DNAJB14: variants seen among roughly 807,000 people sequenced by gnomAD.
The protein encoded by DNAJB14 is dnaJ homolog subfamily B member 14.
DNAJB14 carries 22 observed loss-of-function variants against 48.4 expected under a neutral mutation model. The ratio of observed to expected loss-of-function variants is 0.45; its 90% CI spans 0.32 to 0.65. The LOEUF (loss-of-function observed/expected upper bound fraction) is 0.65, where lower values mean the gene tolerates loss of function less well. Ranked by LOEUF, DNAJB14 falls within the 30% of genes least tolerant of loss-of-function variation. The probability of loss-of-function intolerance (pLI) is 0.03; values close to 1 mark genes in which losing one functional copy is unlikely to be tolerated. For synonymous variants in DNAJB14, 142 were observed against 158.7 expected (o/e 0.89, Z 0.79); for missense variants, 319 against 458.8 (o/e 0.70, Z 2.78).
intron 3 of DNAJB14, among the ~76,000 whole-genome samples, chr4:99,911,025 C>T (rs1725642545): frequency 6.6e-6 from 1 of 152,016 alleles, no homozygotes; most frequent in Admixed American, 6.6e-5. Flanking sequence ...CATCCAACTC[C>T]TCCTCCCTCC....
chr4:99,905,990 A>C, intron 5 of DNAJB14: 1 of 1,284,082 alleles, frequency 7.8e-7, no homozygotes, highest in Non-Finnish European at 1.0e-6. Context: ...TCCCCCCCAC[A>C]CACAGAGACG....
intron 3 of DNAJB14, 56 bp from the exon 4 acceptor site, chr4:99,908,952 G>C: frequency 7.9e-7 from 1 of 1,270,578 alleles, no homozygotes; most frequent in Non-Finnish European, 1.0e-6. Flanking sequence ...ATAAAAGGCT[G>C]CCCCACATAA....
At position 99,946,507 on chromosome 4, in the gene DNAJB14, C is replaced by T. The variant is rs747154758; in HGVS notation, c.65G>A (p.Gly22Asp). 5.0e-6 allele frequency: 8 copies of T among 1,613,768 alleles called. No individual in the cohort carries two copies. The South Asian group carries it at 7.7e-5, about 16-fold the overall frequency. ...VEIAREALNA[G>D]NREKAQRFLQ... ...GAAGCGCTGGGCCTTCTCGCGGTTGCCGGCGTTCAGGGCCTCCCGGGCGAT... is the reference window on the plus strand; with the variant it reads ...GAAGCGCTGGGCCTTCTCGCGGTTGTCGGCGTTCAGGGCCTCCCGGGCGAT... The change falls in exon 1 of 8, where the codon GGC becomes GAC. Residue 22 changes from glycine to aspartate, a missense_variant. Physicochemically the swap from Gly to Asp is moderately conservative, Grantham distance 94. Transcript: ENST00000442697.
rs747075194 is a variant in DNAJB14 at position 99,896,330 on chromosome 4, GAACA to G, written c.*4694_*4697del. On this transcript the variant is annotated 3_prime_UTR_variant, in exon 8 of 8. Transcript: ENST00000442697. ...AAGACAAAAATTCATATTTCATTCAGAACATTCATTAAAAATCAAATGCATTTGA... is the reference window on the plus strand; with the variant it reads ...AAGACAAAAATTCATATTTCATTCAGTTCATTAAAAATCAAATGCATTTGA... 20 of 152,220 alleles carry G rather than the reference GAACA, an allele frequency of 1.3e-4. No homozygotes were observed. Among genetic ancestry groups the G allele is most frequent in the Non-Finnish European group, 1.8e-4 (12 of 67,998 alleles). 9.4% of individuals were successfully genotyped at this position (152,220 alleles called of 1,614,324 possible).
intron 1 of DNAJB14, among the ~76,000 whole-genome samples, chr4:99,936,883 T>C (rs1726694830): frequency 6.6e-6 from 1 of 152,208 alleles, no homozygotes; most frequent in African/African-American, 2.4e-5. Flanking sequence ...GAAAACCACA[T>C]TTGGCAACCA....
rs1341548941 is a variant in DNAJB14, at chr4:99,901,006, A to G, written c.*22T>C. 6.3e-7 allele frequency: 1 copy of G among 1,598,442 alleles called. No homozygotes were observed. Among genetic ancestry groups the G allele is most frequent in the Non-Finnish European group, 8.5e-7 (1 of 1,175,644 alleles). On this transcript the variant is annotated 3_prime_UTR_variant, in exon 8 of 8. Coordinates refer to ENST00000442697, the MANE Select transcript of DNAJB14 (RefSeq NM_001031723.4). ...CAGAAAAAATAAAGAGTACGCTAAA[A>G]GGTATAAATAAAAATTCCAGTTCAT...
At chr4:99,909,216 G>A (rs1725571990) in intron 3 of DNAJB14, among the ~76,000 whole-genome samples, 1 of 151,972 alleles carries the variant, frequency 6.6e-6, no homozygotes, top group South Asian at 2.1e-4. Flanking sequence ...AACAATAGCA[G>A]TAGCTATCAT....
chr4:99,930,448 A>C lies in DNAJB14; in HGVS notation c.305+2T>G. On this transcript the variant is annotated splice_donor_variant, in intron 2 of 7. Coordinates refer to ENST00000442697, the MANE Select transcript of DNAJB14 (RefSeq NM_001031723.4). LOFTEE classifies it high-confidence loss of function. ...TGAGATGTAAACCATATTTATTCCT[A>C]CCTGAGAACTCCATCTACTTGGTCT... 1 of 1,590,430 alleles carries C rather than the reference A, an allele frequency of 6.3e-7. No individual in the cohort carries two copies. The highest frequency in any genetic ancestry group is 1.2e-5 in the South Asian group (1 of 86,346).
chr4:99,915,814 TGA>T lies in DNAJB14; in HGVS notation c.452-6920_452-6919del, dbSNP rs757257250. The stretch of plus-strand genomic sequence containing the variant: ...TCTGTCTAATTGTTCTATCAATTAT[TGA>T]GAGAGAGGTGTCAGAGTCTCCAACT... On this transcript the variant is annotated intron_variant, in intron 3 of 7. Transcript: ENST00000442697. Among the ~76,000 whole-genome samples, 18 of 152,354 alleles carry T rather than the reference TGA, an allele frequency of 1.2e-4. 1 individual carries two copies. The highest frequency in any genetic ancestry group is 8.8e-5 in the Non-Finnish European group (6 of 68,034).
In DNAJB14 at chr4:99,946,467, C is replaced by G. The variant is rs1006404972; in HGVS notation, c.105G>C (p.Glu35Asp). ...EKAQRFLQKA[E>D]KLYPLPSARA... ...GGGCCGAGGGCAGTGGGTAGAGCTT[C>G]TCGGCCTTCTGCAGGAAGCGCTGGG... is the stretch of plus-strand genomic sequence containing the variant. The change falls in exon 1 of 8, where the codon GAG becomes GAC. Residue 35 changes from glutamate (E) to aspartate (D), a missense_variant. Glu to Asp is a conservative substitution (Grantham distance 45). Around this residue, in one of 3 missense-constraint regions of DNAJB14, gnomAD observed 116 missense variants for 134.6 expected, o/e 0.86. Transcript: ENST00000442697. 1 of 1,613,444 alleles carries G rather than the reference C, an allele frequency of 6.2e-7. No homozygotes were observed. Among genetic ancestry groups the G allele is most frequent in the African/African-American group, 1.3e-5 (1 of 74,882 alleles).
chr4:99,918,811 A>G (rs1725949440), intron 3 of DNAJB14, among the ~76,000 whole-genome samples: 1 of 152,216 alleles, frequency 6.6e-6, no homozygotes, highest in Non-Finnish European at 1.5e-5. Flanking sequence ...TGAAGTCCTG[A>G]CTGTGCATTA....
At chr4:99,930,301 TA>T in intron 2 of DNAJB14, 148 bp downstream of exon 2, 1 of 670,454 alleles carries the variant, frequency 1.5e-6, no homozygotes. Context: ...ACCAGTTTTA[TA>T]AAGAATATGA....
rs908537002 is a variant in DNAJB14 at position 99,898,520 on chromosome 4, A to C, written c.*2508T>G. 8 of 151,998 alleles carry C rather than the reference A, an allele frequency of 5.3e-5. No individual in the cohort carries two copies. The highest frequency in any genetic ancestry group is 1.9e-4 in the African/African-American group (8 of 41,444). The allele number at this position is 151,998 out of a possible 1,614,324, so 9.4% of individuals were successfully genotyped here. On this transcript the variant is annotated 3_prime_UTR_variant, in exon 8 of 8. Transcript: ENST00000442697. ...GGAATCAAAAGAAGAGGAGAAAGGT[A>C]CTATTTTTCATTTCCCCCAAACCCT...
intron 3 of DNAJB14, among the ~76,000 whole-genome samples, chr4:99,919,857 G>A (rs911082741): frequency 6.6e-6 from 1 of 152,146 alleles, no homozygotes; most frequent in Admixed American, 6.5e-5. Flanking sequence ...CGCTGCCAAG[G>A]TTTTGCCAAC....
rs927022264 is a variant in DNAJB14, at chr4:99,896,676, C to T, written c.*4352G>A. Reference sequence around the variant, plus strand: ...AAAATATCATTTATGTGTGTTTCTTCTCATTGGTTTAATCATCCTATTAAA... The same window carrying T: ...AAAATATCATTTATGTGTGTTTCTTTTCATTGGTTTAATCATCCTATTAAA... On this transcript the variant is annotated 3_prime_UTR_variant, in exon 8 of 8. Transcript: ENST00000442697. The T allele has an allele frequency of 8.5e-5, 13 of 152,154 alleles. No individual in the cohort carries two copies. The highest frequency in any genetic ancestry group is 3.1e-4 in the African/African-American group (13 of 41,454). 9.4% of individuals were successfully genotyped at this position (152,154 alleles called of 1,614,324 possible).
At chr4:99,930,028 T>C (rs1726404029) in intron 2 of DNAJB14, 1 of 152,516 alleles carries the variant, frequency 6.6e-6, no homozygotes, top group African/African-American at 2.4e-5. Flanking sequence ...TCAAAAAGAA[T>C]ATAAATAGAA....
intron 2 of DNAJB14, chr4:99,925,058 A>G: frequency 4.4e-6 from 2 of 454,170 alleles, no homozygotes; most frequent in Non-Finnish European, 7.8e-6. Context: ...CTTGGTATCC[A>G]CAGGGGATTA....
At position 99,900,351 on chromosome 4, in the gene DNAJB14, T is replaced by G. The variant is rs1373414019; in HGVS notation, c.*677A>C. On this transcript the variant is annotated 3_prime_UTR_variant, in exon 8 of 8. Coordinates refer to ENST00000442697, the MANE Select transcript of DNAJB14 (RefSeq NM_001031723.4). Reference sequence around the variant, plus strand: ...CAGTATAGCATTTCATTTCTATGCATGTATATGTATAGTAATTCATAAAAC... The same window carrying G: ...CAGTATAGCATTTCATTTCTATGCAGGTATATGTATAGTAATTCATAAAAC... The G allele has an allele frequency of 6.6e-6, 1 of 152,054 alleles. No individual in the cohort carries two copies. 9.4% of individuals were successfully genotyped at this position (152,054 alleles called of 1,614,324 possible).
Position 99,934,882 on chromosome 4 carries a change from T to A in DNAJB14, c.134-4261A>T, listed in dbSNP as rs1022263923. Among the ~76,000 whole-genome samples the A allele has an allele frequency of 2.5e-4, 37 of 149,106 alleles. 1 individual carries two copies. Among genetic ancestry groups the A allele is most frequent in the Middle Eastern group, 3.2e-3 (1 of 312 alleles). On this transcript the variant is annotated intron_variant, in intron 1 of 7. Coordinates refer to ENST00000442697, the MANE Select transcript of DNAJB14 (RefSeq NM_001031723.4). ...AAACTCAATAAAAAATAAGACATTT[T>A]AAAAAATCAATTAAAAAAAGACTAA...
Sources: allele counts gnomAD v4.1 joint callset (sites outside exome capture counted in the v4.1 genomes callset), GRCh38; gene constraint gnomAD v4.1.1; regional missense constraint gnomAD v4.1.1; transcripts MANE v1.5; gene names NCBI Gene and HGNC (gene_info 2026-07-23, HGNC 2026-07-21).